Variants in ATP8B4 observed in about 807,000 individuals in gnomAD.
ATP8B4 encodes the protein probable phospholipid-transporting ATPase IM.
A neutral mutation model predicts 145.6 loss-of-function variants in ATP8B4; 133 were observed. That is an observed-to-expected ratio of 0.91 (90% confidence interval 0.79 to 1.05). The LOEUF is 1.05. Ranked by LOEUF, ATP8B4 falls within the 50% of genes least tolerant of loss-of-function variation. The pLI, the probability that ATP8B4 is intolerant of heterozygous loss-of-function variation, is 0.00. For missense variants in ATP8B4, 1,458 were observed against 1,425.2 expected (o/e 1.02, Z -0.37); for synonymous variants, 507 against 492.9 (o/e 1.03, Z -0.38).
At chr15:50,175,152 GGATTAAGGA>G (rs2044743525) in intron 1 of ATP8B4, among the ~76,000 whole-genome samples, 1 of 152,056 alleles carries the variant, frequency 6.6e-6, no homozygotes, top group Non-Finnish European at 1.5e-5. Flanking sequence ...AACTCTAGAT[GGATTAAGGA>G]CTTAAACCTA....
At chr15:50,056,799 G>C (rs193136237) in intron 3 of ATP8B4, among the ~76,000 whole-genome samples, 12 of 151,052 alleles carry the variant, frequency 7.9e-5, no homozygotes, top group African/African-American at 2.9e-4. Flanking sequence ...GTACACACAT[G>C]CATATATGTG....
At chr15:49,893,152 T>C (rs1478426714) in intron 23 of ATP8B4, among the ~76,000 whole-genome samples, 1 of 152,206 alleles carries the variant, frequency 6.6e-6, no homozygotes, top group African/African-American at 2.4e-5. Flanking sequence ...GTCTTAGAGA[T>C]GTCAGATGTG....
chr15:50,175,535 A>G (rs1420438419), intron 1 of ATP8B4, among the ~76,000 whole-genome samples: 1 of 152,226 alleles, frequency 6.6e-6, no homozygotes, highest in Non-Finnish European at 1.5e-5. Flanking sequence ...CAAGGGGGCT[A>G]AGGACATGAA....
intron 2 of ATP8B4, among the ~76,000 whole-genome samples, chr15:50,101,814 A>G (rs1280475290): frequency 6.6e-6 from 1 of 152,186 alleles, no homozygotes; most frequent in Admixed American, 6.5e-5. Context: ...CACATGGAAT[A>G]TTCTCCAAGA....
intron 14 of ATP8B4, among the ~76,000 whole-genome samples, chr15:49,956,352 T>G (rs1195443425): frequency 6.6e-6 from 1 of 152,148 alleles, no homozygotes; most frequent in African/African-American, 2.4e-5. Context: ...GTTCATGTAA[T>G]AAATTTTGAA....
At chr15:50,140,827 G>T (rs188920101) in intron 1 of ATP8B4, among the ~76,000 whole-genome samples, 1 of 152,116 alleles carries the variant, frequency 6.6e-6, no homozygotes, top group Non-Finnish European at 1.5e-5. Flanking sequence ...CTGGAGATTC[G>T]AATTCTGTAG....
intron 1 of ATP8B4, among the ~76,000 whole-genome samples, chr15:50,155,631 T>A (rs2044400804): frequency 6.6e-6 from 1 of 152,134 alleles, no homozygotes; most frequent in South Asian, 2.1e-4. Flanking sequence ...TAGAATTTCT[T>A]AAGGGGGTTC....
At chr15:50,022,704 A>G (rs1007213776) in intron 6 of ATP8B4, among the ~76,000 whole-genome samples, 1 of 152,174 alleles carries the variant, frequency 6.6e-6, no homozygotes. Flanking sequence ...CTATTTCTAG[A>G]CCCGTCAGGT....
At chr15:50,129,381 A>G (rs1236694838) in intron 1 of ATP8B4, among the ~76,000 whole-genome samples, 1 of 152,112 alleles carries the variant, frequency 6.6e-6, no homozygotes, top group Non-Finnish European at 1.5e-5. Context: ...GAGGGAGAAT[A>G]TGTTCCATGC....
At chr15:49,913,174 A>G (rs777402562) in intron 20 of ATP8B4, among the ~76,000 whole-genome samples, 39 of 151,480 alleles carry the variant, frequency 2.6e-4, no homozygotes, top group Non-Finnish European at 4.1e-4. Context: ...GATCAAAAAT[A>G]TAATACACCA....
chr15:50,035,351 A>G (rs2050755010), intron 6 of ATP8B4, among the ~76,000 whole-genome samples: 1 of 152,228 alleles, frequency 6.6e-6, no homozygotes, highest in Non-Finnish European at 1.5e-5. Flanking sequence ...TATATATTAC[A>G]TAATGATGTT....
At position 49,897,313 on chromosome 15, in the gene ATP8B4, G is replaced by C. The variant is rs377417631; in HGVS notation, c.2676C>G (p.Phe892Leu). ...CAACCTGGGCTGAGAAACCACAGAA[G>C]AAACCAAACCAGAAATGCACAAGTG... Reference protein sequence around the residue: ...AFTLVHFWFGFFCGFSAQTVY... With the variant: ...AFTLVHFWFGLFCGFSAQTVY... Residue 892 changes from phenylalanine (F) to leucine (L), a missense_variant, in exon 23 of 28, where the codon TTC (phenylalanine) becomes TTG (leucine). Phe to Leu is a conservative substitution (Grantham distance 22). Coordinates refer to ENST00000284509, the MANE Select transcript of ATP8B4 (RefSeq NM_024837.4). The C allele has an allele frequency of 2.0e-5, 32 of 1,609,504 alleles. No homozygotes were observed. The highest frequency in any genetic ancestry group is 2.7e-5 in the African/African-American group (2 of 74,458).
intron 3 of ATP8B4, among the ~76,000 whole-genome samples, chr15:50,061,223 T>C (rs115087992): frequency 0.033 from 4,971 of 152,178 alleles, 88 homozygotes; most frequent in South Asian, 0.063. Context: ...CAGATTTTTT[T>C]CCCTCCACTT....
chr15:50,057,212 C>T (rs980893302), intron 3 of ATP8B4, among the ~76,000 whole-genome samples: 9 of 152,132 alleles, frequency 5.9e-5, no homozygotes, highest in Non-Finnish European at 1.3e-4. Context: ...TACAGTGACA[C>T]CAGATAATGG....
intron 2 of ATP8B4, among the ~76,000 whole-genome samples, chr15:50,102,664 A>G (rs2056438389): frequency 2.6e-5 from 4 of 152,010 alleles, no homozygotes; most frequent in Non-Finnish European, 5.9e-5. Context: ...TCTATCAGAC[A>G]TTCAAAGAAT....
chr15:49,973,957 CT>C (rs1168196072), intron 12 of ATP8B4, among the ~76,000 whole-genome samples: 2 of 151,768 alleles, frequency 1.3e-5, no homozygotes, highest in African/African-American at 4.8e-5. Context: ...TTGTATCTGC[CT>C]ATTTTATTTT....
At chr15:50,040,880 C>T (rs916718991) in intron 5 of ATP8B4, among the ~76,000 whole-genome samples, 1 of 152,318 alleles carries the variant, frequency 6.6e-6, no homozygotes, top group South Asian at 2.1e-4. Flanking sequence ...AGAGGGCTAG[C>T]ATTCATTGTG....
chr15:49,933,214 T>A (rs1026075410), intron 15 of ATP8B4, among the ~76,000 whole-genome samples: 1 of 151,002 alleles, frequency 6.6e-6, no homozygotes, highest in South Asian at 2.1e-4. Flanking sequence ...GAAAAAAAAA[T>A]TAGATATTGG....
chr15:50,114,109 T>TTTTTTTC (rs1329230098), intron 1 of ATP8B4, among the ~76,000 whole-genome samples: 1 of 138,046 alleles, frequency 7.2e-6, no homozygotes, highest in Non-Finnish European at 1.6e-5. Flanking sequence ...GTTTCTTTTT[T>TTTTTTTC]TTTTTTTTTT....
Sources: allele counts gnomAD v4.1 joint callset (sites outside exome capture counted in the v4.1 genomes callset), GRCh38; gene constraint gnomAD v4.1.1; transcripts MANE v1.5; gene names NCBI Gene and HGNC (gene_info 2026-07-23, HGNC 2026-07-21).